Variants in MAML2 observed in about 807,000 individuals in gnomAD.
MAML2 encodes mastermind like transcriptional coactivator 2, also known as mastermind-like protein 2.
In MAML2, 22 loss-of-function variants were observed where a neutral mutation model predicts 96.1. The ratio of observed to expected loss-of-function variants is 0.23; its 90% CI spans 0.16 to 0.33. The LOEUF (loss-of-function observed/expected upper bound fraction) is 0.33, where lower values mean the gene tolerates loss of function less well. Among genes scored for constraint, MAML2 ranks in the 10% least tolerant of loss-of-function variants. The pLI is 1.00. For missense variants in MAML2, 1,367 were observed against 1,392.4 expected (o/e 0.98, Z 0.29); for synonymous variants, 561 against 521.3 (o/e 1.08, Z -1.04).
intron 1 of MAML2, among the ~76,000 whole-genome samples, chr11:96,261,166 G>A (rs1413187491): frequency 2.6e-5 from 4 of 152,018 alleles, no homozygotes; most frequent in Admixed American, 2.0e-4. Context: ...ATCCATTCAC[G>A]GATTAATGGG....
chr11:96,294,870 G>A (rs2135994015), intron 1 of MAML2, among the ~76,000 whole-genome samples: 1 of 152,314 alleles, frequency 6.6e-6, no homozygotes, highest in African/African-American at 2.4e-5. Context: ...GTGGCAGCAT[G>A]GGATTGGGGG....
At chr11:96,137,658 CTACACA>C (rs546022362) in intron 1 of MAML2, among the ~76,000 whole-genome samples, 92 of 152,312 alleles carry the variant, frequency 6.0e-4, no homozygotes, top group Non-Finnish European at 1.1e-3. Context: ...TTTTAATATA[CTACACA>C]TACACTGTGT....
chr11:96,180,980 G>A (rs1168446894), intron 1 of MAML2, among the ~76,000 whole-genome samples: 1 of 151,260 alleles, frequency 6.6e-6, no homozygotes, highest in Non-Finnish European at 1.5e-5. Flanking sequence ...GTCGCAAGGT[G>A]CTCAGTGGGG....
At chr11:95,980,002 A>G in intron 4 of MAML2, 39 bp from the exon 5 acceptor site, 1 of 1,520,082 alleles carries the variant, frequency 6.6e-7, no homozygotes, top group Non-Finnish European at 8.9e-7. Context: ...TCGTAGCAGC[A>G]TGTTATCTCC....
At chr11:96,136,238 CT>C (rs900270160) in intron 1 of MAML2, among the ~76,000 whole-genome samples, 6 of 149,702 alleles carry the variant, frequency 4.0e-5, no homozygotes, top group African/African-American at 1.3e-4. Flanking sequence ...TCTCCTCTTC[CT>C]TTTTTTTCTT....
At chr11:96,072,705 C>T (rs376139362) in intron 2 of MAML2, among the ~76,000 whole-genome samples, 7 of 152,248 alleles carry the variant, frequency 4.6e-5, no homozygotes, top group African/African-American at 7.2e-5. Context: ...ATTTTAAGGA[C>T]GGATTGATTA....
Position 96,015,257 on chromosome 11 carries a change from A to G in MAML2, c.2140-23534T>C, listed in dbSNP as rs369747181. 2.1e-4 allele frequency among the ~76,000 whole-genome samples: 32 copies of G among 152,324 alleles called. No individual in the cohort carries two copies. In the East Asian group the frequency reaches 4.6e-3, roughly 22 times the overall value. On this transcript the variant is annotated intron_variant, in intron 2 of 4. Transcript: ENST00000524717. Reference sequence around the variant, plus strand: ...AACATGAAGCAATTTAAGCTACTACATAACAGTACAGTTCAGTTATATAGG... The same window carrying G: ...AACATGAAGCAATTTAAGCTACTACGTAACAGTACAGTTCAGTTATATAGG...
intron 1 of MAML2, among the ~76,000 whole-genome samples, chr11:96,176,054 A>T (rs1024934102): frequency 2.0e-5 from 3 of 152,326 alleles, no homozygotes; most frequent in East Asian, 1.9e-4. Context: ...CACTGGAATT[A>T]TCTCCTTTAA....
rs1450605690 is a variant in MAML2, at chr11:95,991,611, T to C, written c.2252A>G (p.Gln751Arg). 6.2e-7 allele frequency: 1 copy of C among 1,613,832 alleles called. No individual in the cohort carries two copies. Among genetic ancestry groups the C allele is most frequent in the East Asian group, 2.2e-5 (1 of 44,888 alleles). Residue 751 changes from glutamine (Q) to arginine (R), a missense_variant, in exon 3 of 5, where the codon CAG (glutamine) becomes CGG (arginine). Gln to Arg is a conservative substitution (Grantham distance 43, BLOSUM62 1). Coordinates refer to ENST00000524717, the MANE Select transcript of MAML2 (RefSeq NM_032427.4). ...AGTCTGCTTCTTTCCCATCAATTGC[T>C]GATTCAACAGTGATTGCTGGGAGTT... The part of the protein sequence containing the change: ...YMNSQQSLLN[Q>R]QLMGKKQTLQ...
intron 1 of MAML2, among the ~76,000 whole-genome samples, chr11:96,269,877 C>G (rs1008240264): frequency 1.4e-5 from 2 of 143,968 alleles, no homozygotes; most frequent in Non-Finnish European, 3.0e-5. Flanking sequence ...CTTCTAGTAC[C>G]CTCTGGGAGT....
At chr11:96,112,742 T>C (rs999575538) in intron 1 of MAML2, among the ~76,000 whole-genome samples, 4 of 152,228 alleles carry the variant, frequency 2.6e-5, no homozygotes, top group African/African-American at 9.6e-5. Flanking sequence ...CTTTCTTCCA[T>C]AAGCCTATTA....
intron 1 of MAML2, among the ~76,000 whole-genome samples, chr11:96,231,547 T>C (rs576377425): frequency 2.0e-5 from 3 of 152,270 alleles, no homozygotes; most frequent in Admixed American, 6.5e-5. Context: ...AGAAATGAGA[T>C]TGTTCTACAT....
chr11:96,060,425 G>A (rs1424922701), intron 2 of MAML2, among the ~76,000 whole-genome samples: 2 of 151,606 alleles, frequency 1.3e-5, no homozygotes, highest in African/African-American at 2.4e-5. Flanking sequence ...ACGTGGATCC[G>A]GACTTGTTAG....
intron 2 of MAML2, among the ~76,000 whole-genome samples, chr11:96,078,131 C>T (rs1458588959): frequency 6.6e-6 from 1 of 152,220 alleles, no homozygotes; most frequent in Non-Finnish European, 1.5e-5. Context: ...GTTTCCATAG[C>T]AAAGTGCTCT....
At chr11:96,024,065 T>G (rs1038326242) in intron 2 of MAML2, among the ~76,000 whole-genome samples, 1 of 152,136 alleles carries the variant, frequency 6.6e-6, no homozygotes, top group African/African-American at 2.4e-5. Flanking sequence ...ACAAAATAGC[T>G]GAGGCAAAGA....
intron 2 of MAML2, among the ~76,000 whole-genome samples, chr11:96,066,074 C>G (rs965595484): frequency 6.6e-6 from 1 of 152,226 alleles, no homozygotes; most frequent in Non-Finnish European, 1.5e-5. Context: ...AATTACCCCT[C>G]TTATGGCTCT....
At chr11:96,204,661 G>GT (rs899195680) in intron 1 of MAML2, among the ~76,000 whole-genome samples, 3 of 152,066 alleles carry the variant, frequency 2.0e-5, no homozygotes, top group Admixed American at 6.6e-5. Context: ...TTTTGTTTTT[G>GT]TTTTTTTAAA....
chr11:96,061,333 T>G (rs1322356887), intron 2 of MAML2, among the ~76,000 whole-genome samples: 1 of 152,132 alleles, frequency 6.6e-6, no homozygotes, highest in Non-Finnish European at 1.5e-5. Context: ...AACAGTTGGG[T>G]GAAGGACAGA....
intron 1 of MAML2, among the ~76,000 whole-genome samples, chr11:96,153,655 TA>T (rs907265740): frequency 1.2e-4 from 18 of 152,024 alleles, no homozygotes; most frequent in African/African-American, 3.9e-4. Flanking sequence ...CTCACACCTG[TA>T]ATCCCAGCAC....
Sources: allele counts gnomAD v4.1 joint callset (sites outside exome capture counted in the v4.1 genomes callset), GRCh38; gene constraint gnomAD v4.1.1; transcripts MANE v1.5; gene names NCBI Gene and HGNC (gene_info 2026-07-23, HGNC 2026-07-21).